The following PATJ variants were observed in gnomAD, a reference collection of about 807,000 sequenced individuals.
The protein encoded by PATJ is PATJ crumbs cell polarity complex component.
A neutral mutation model predicts 224.9 loss-of-function variants in PATJ; 190 were observed. That is an observed-to-expected ratio of 0.84 (90% confidence interval 0.75 to 0.95). The LOEUF (loss-of-function observed/expected upper bound fraction) is 0.95, where lower values mean the gene tolerates loss of function less well. Ranked by LOEUF, PATJ falls within the 40% of genes least tolerant of loss-of-function variation. PATJ has a pLI of 0.00. For synonymous variants in PATJ, 769 were observed against 820.3 expected, an observed-to-expected ratio of 0.94 and a Z score of 1.07; for missense variants, 2,121 against 2,270.3, an observed-to-expected ratio of 0.93 and a Z score of 1.34.
intron 14 of PATJ, among the ~76,000 whole-genome samples, chr1:61,812,283 G>A (rs1654929523): frequency 6.6e-6 from 1 of 151,716 alleles, no homozygotes; most frequent in East Asian, 1.9e-4. Context: ...GGCTTCAGAT[G>A]ATATCAGTTA....
At chr1:61,790,219 A>AG (rs1355877154) in intron 8 of PATJ, among the ~76,000 whole-genome samples, 1 of 151,166 alleles carries the variant, frequency 6.6e-6, no homozygotes, top group East Asian at 1.9e-4. Context: ...AAAAAAAAAA[A>AG]AAAAAGAAGA....
chr1:61,753,326 T>G (rs1645436106), intron 1 of PATJ, among the ~76,000 whole-genome samples: 1 of 152,072 alleles, frequency 6.6e-6, no homozygotes, highest in African/African-American at 2.4e-5. Flanking sequence ...AATTCACATG[T>G]GCAGTTAGAG....
chr1:62,114,568 T>G, intron 35 of PATJ: 1 of 215,084 alleles, frequency 4.6e-6, no homozygotes. Flanking sequence ...ACCCAAGAAA[T>G]AGCTAGCATC....
chr1:61,951,479 G>A (rs1030833244), intron 27 of PATJ, among the ~76,000 whole-genome samples: 2 of 151,756 alleles, frequency 1.3e-5, no homozygotes, highest in African/African-American at 4.8e-5. Context: ...AGATTATACT[G>A]TATAATTGGT....
chr1:61,864,760 C>T, intron 20 of PATJ, 127 bp downstream of exon 20: 1 of 731,644 alleles, frequency 1.4e-6, no homozygotes, highest in Non-Finnish European at 2.2e-6. Context: ...TCACTGTTTA[C>T]AAGATGTGTC....
intron 33 of PATJ, among the ~76,000 whole-genome samples, chr1:62,106,113 C>A (rs1277296123): frequency 1.3e-5 from 1 of 78,586 alleles, no homozygotes; most frequent in Non-Finnish European, 2.5e-5. Flanking sequence ...CACACACACA[C>A]ACACACAAAC....
At chr1:61,753,351 C>T (rs534373265) in intron 1 of PATJ, among the ~76,000 whole-genome samples, 1 of 152,114 alleles carries the variant, frequency 6.6e-6, no homozygotes, top group Non-Finnish European at 1.5e-5. Context: ...AACACCTGTT[C>T]TTTCCCAAAG....
At chr1:61,930,741 C>A (rs1241398747) in intron 27 of PATJ, among the ~76,000 whole-genome samples, 2 of 152,018 alleles carry the variant, frequency 1.3e-5, no homozygotes, top group African/African-American at 4.8e-5. Context: ...GAGTTTTGCT[C>A]TTGTTGCCCA....
chr1:61,841,267 T>C (rs1183326417), intron 17 of PATJ, among the ~76,000 whole-genome samples: 4 of 152,154 alleles, frequency 2.6e-5, no homozygotes, highest in Non-Finnish European at 5.9e-5. Flanking sequence ...CATTAGGACT[T>C]TAATTTTTAC....
At chr1:61,821,757 A>G (rs761992921) in intron 14 of PATJ, among the ~76,000 whole-genome samples, 1 of 152,208 alleles carries the variant, frequency 6.6e-6, no homozygotes, top group African/African-American at 2.4e-5. Context: ...GTATCAGACT[A>G]TTGATACAGG....
chr1:61,812,742 G>A (rs916333730), intron 14 of PATJ, among the ~76,000 whole-genome samples: 4 of 151,852 alleles, frequency 2.6e-5, no homozygotes, highest in Non-Finnish European at 4.4e-5. Flanking sequence ...CCATCTACTC[G>A]GGAGGCTGAA....
intron 33 of PATJ, among the ~76,000 whole-genome samples, chr1:62,085,732 T>A (rs940911721): frequency 1.3e-5 from 2 of 149,996 alleles, no homozygotes; most frequent in Non-Finnish European, 2.9e-5. Flanking sequence ...GGAAGGAGGA[T>A]CACTTGAGCC....
At chr1:62,065,426 C>A (rs1656249498) in intron 31 of PATJ, among the ~76,000 whole-genome samples, 1 of 152,142 alleles carries the variant, frequency 6.6e-6, no homozygotes, top group Non-Finnish European at 1.5e-5. Context: ...GCCTGGGCAA[C>A]ATAGCAAAAC....
intron 33 of PATJ, among the ~76,000 whole-genome samples, chr1:62,102,859 C>CAAAAAAAAAAAAA (rs1162014751): frequency 4.3e-5 from 2 of 47,008 alleles, no homozygotes; most frequent in African/African-American, 7.1e-5. Context: ...TACCCTGTCT[C>CAAAAAAAAAAAAA]AAAAAAAAAA....
chr1:62,145,765 G>A (rs1667978766), intron 41 of PATJ, among the ~76,000 whole-genome samples: 1 of 152,032 alleles, frequency 6.6e-6, no homozygotes, highest in African/African-American at 2.4e-5. Flanking sequence ...AGACCAGCCT[G>A]GACAACATGG....
chr1:61,907,128 T>G (rs1388828486), intron 24 of PATJ, among the ~76,000 whole-genome samples: 1 of 152,150 alleles, frequency 6.6e-6, no homozygotes, highest in East Asian at 1.9e-4. Context: ...CCCCTATGAT[T>G]GTAAGTTTCC....
chr1:61,772,058 C>G (rs1178603077), intron 6 of PATJ, among the ~76,000 whole-genome samples: 1 of 150,102 alleles, frequency 6.7e-6, no homozygotes, highest in Non-Finnish European at 1.5e-5. Context: ...ATGATCATAT[C>G]TCTGAATGCA....
intron 27 of PATJ, among the ~76,000 whole-genome samples, chr1:61,928,855 A>T (rs1675610167): frequency 6.6e-6 from 1 of 152,112 alleles, no homozygotes; most frequent in Non-Finnish European, 1.5e-5. Context: ...GATTATAAAA[A>T]CTTGAATTGT....
chr1:61,806,844 C>CT (rs902540374), intron 13 of PATJ, among the ~76,000 whole-genome samples: 27 of 151,938 alleles, frequency 1.8e-4, no homozygotes, highest in African/African-American at 5.5e-4. Context: ...ATGATGGGCT[C>CT]TTTTTTTTGT....
Sources: gnomAD v4.1 joint callset for allele counts (sites outside exome capture counted in the v4.1 genomes callset) on GRCh38, gnomAD v4.1.1 for gene constraint, MANE v1.5 for transcripts, NCBI Gene and HGNC (gene_info 2026-07-23, HGNC 2026-07-21) for gene names.